The following MBD5 variants were observed in gnomAD, a reference collection of about 807,000 sequenced individuals.
The protein encoded by MBD5 is methyl-CpG binding domain protein 5, also known as methyl-CpG-binding domain protein 5.
A neutral mutation model predicts 117.3 loss-of-function variants in MBD5; 13 were observed. The ratio of observed to expected loss-of-function variants is 0.11; its 90% CI spans 0.07 to 0.18. MBD5 has a LOEUF of 0.18. MBD5 is among the 10% of genes least tolerant of loss of function. The pLI, the probability that MBD5 is intolerant of heterozygous loss-of-function variation, is 1.00. For missense variants in MBD5, 1,879 were observed against 2,093.8 expected (o/e 0.90, Z 2.00); for synonymous variants, 727 against 766.4 (o/e 0.95, Z 0.85).
intron 1 of MBD5, among the ~76,000 whole-genome samples, chr2:148,053,180 T>A (rs2105775169): frequency 6.6e-6 from 1 of 152,286 alleles, no homozygotes; most frequent in African/African-American, 2.4e-5. Flanking sequence ...AGTTTTTGCT[T>A]TATGTATCTT....
At chr2:148,386,644 G>GGGAGGC (rs1422641299) in intron 4 of MBD5, among the ~76,000 whole-genome samples, 23 of 148,950 alleles carry the variant, frequency 1.5e-4, no homozygotes, top group Non-Finnish European at 2.5e-4. Context: ...GCGTGAACCC[G>GGGAGGC]GGAGGCGGAG....
chr2:148,496,509 C>A (rs1015669650), intron 11 of MBD5, among the ~76,000 whole-genome samples: 12 of 152,188 alleles, frequency 7.9e-5, no homozygotes. Context: ...CCAACACAGA[C>A]TACATGAGCT....
At chr2:148,294,754 C>T (rs912717185) in intron 3 of MBD5, among the ~76,000 whole-genome samples, 1 of 152,102 alleles carries the variant, frequency 6.6e-6, no homozygotes, top group Non-Finnish European at 1.5e-5. Flanking sequence ...GATCTGCACA[C>T]CTCTGCCTCC....
chr2:148,114,686 C>T (rs937434606), intron 1 of MBD5, among the ~76,000 whole-genome samples: 11 of 152,206 alleles, frequency 7.2e-5, no homozygotes, highest in Admixed American at 7.2e-4. Context: ...AAGTTACTTA[C>T]TGTGTGCTGT....
At chr2:148,460,183 A>G (rs1403905393) in intron 5 of MBD5, 7 of 152,166 alleles carry the variant, frequency 4.6e-5, no homozygotes, top group Non-Finnish European at 1.0e-4. Context: ...AAATCTGGAT[A>G]ATTTTTTTTT....
At chr2:148,364,919 A>G (rs1703652147) in intron 4 of MBD5, among the ~76,000 whole-genome samples, 1 of 151,970 alleles carries the variant, frequency 6.6e-6, no homozygotes, top group Non-Finnish European at 1.5e-5. Context: ...AAATGTCAAT[A>G]TTAGGTCAAC....
chr2:148,252,957 G>C (rs914054010), intron 3 of MBD5, among the ~76,000 whole-genome samples: 9 of 152,174 alleles, frequency 5.9e-5, no homozygotes, highest in African/African-American at 2.2e-4. Context: ...AATGTGTCTT[G>C]AACTATTGTT....
At chr2:148,341,421 G>A (rs1251586879) in intron 3 of MBD5, among the ~76,000 whole-genome samples, 2 of 151,842 alleles carry the variant, frequency 1.3e-5, no homozygotes, top group African/African-American at 4.8e-5. Flanking sequence ...TTCTAAGACA[G>A]TGTTCTCATC....
At chr2:148,070,673 C>A (rs1002331100) in intron 1 of MBD5, among the ~76,000 whole-genome samples, 2 of 152,084 alleles carry the variant, frequency 1.3e-5, no homozygotes, top group Non-Finnish European at 2.9e-5. Context: ...TACTACCTGG[C>A]ACATTTTAGG....
At chr2:148,501,699 T>TG (rs1257277238) in intron 11 of MBD5, among the ~76,000 whole-genome samples, 1 of 152,122 alleles carries the variant, frequency 6.6e-6, no homozygotes, top group Non-Finnish European at 1.5e-5. Flanking sequence ...CCACACTTGG[T>TG]GGCTGACCTC....
In MBD5 at chr2:148,323,283, C is replaced by G. The variant is rs1309267409; in HGVS notation, c.-679-18931C>G. ...GGGTTGGTTCCAAGTCTTTGCTATT[C>G]TGAATAATGCTGCAATAAACATATG... On this transcript the variant is annotated intron_variant, in intron 3 of 13. Transcript: ENST00000642680. 3.3e-5 allele frequency among the ~76,000 whole-genome samples: 5 copies of G among 152,040 alleles called. No homozygotes were observed. In the East Asian group the frequency reaches 9.6e-4, roughly 29 times the overall value.
intron 1 of MBD5, among the ~76,000 whole-genome samples, chr2:148,166,215 T>A (rs1698122631): frequency 6.6e-6 from 1 of 152,198 alleles, no homozygotes; most frequent in African/African-American, 2.4e-5. Flanking sequence ...TGGCCCCATC[T>A]TTATTTACTC....
intron 1 of MBD5, among the ~76,000 whole-genome samples, chr2:148,043,829 T>C (rs1694443439): frequency 6.6e-6 from 1 of 152,234 alleles, no homozygotes; most frequent in Non-Finnish European, 1.5e-5. Flanking sequence ...AATAAGTAAA[T>C]TTAACTTATT....
chr2:148,416,674 G>A (rs1009668352), intron 4 of MBD5, among the ~76,000 whole-genome samples: 5 of 152,058 alleles, frequency 3.3e-5, no homozygotes, highest in African/African-American at 1.2e-4. Context: ...TTACATGGAT[G>A]AATTGTATGG....
intron 3 of MBD5, among the ~76,000 whole-genome samples, chr2:148,282,765 G>A (rs1701278868): frequency 6.6e-6 from 1 of 151,424 alleles, no homozygotes; most frequent in Non-Finnish European, 1.5e-5. Context: ...GTACTTTAAA[G>A]TGAAATATTA....
intron 1 of MBD5, among the ~76,000 whole-genome samples, chr2:148,139,110 A>G (rs1697243702): frequency 6.6e-6 from 1 of 152,178 alleles, no homozygotes; most frequent in Non-Finnish European, 1.5e-5. Flanking sequence ...TTTATGCCCT[A>G]TTGATTATCT....
At chr2:148,326,267 A>AT (rs1452796400) in intron 3 of MBD5, among the ~76,000 whole-genome samples, 2 of 152,080 alleles carry the variant, frequency 1.3e-5, no homozygotes, top group African/African-American at 4.8e-5. Context: ...TATGTGGTAA[A>AT]TTTTGGAATA....
intron 1 of MBD5, among the ~76,000 whole-genome samples, chr2:148,171,235 C>T (rs1343739840): frequency 2.0e-5 from 3 of 152,164 alleles, no homozygotes; most frequent in Non-Finnish European, 2.9e-5. Context: ...ATATCCTCAA[C>T]AAAATACTAG....
intron 4 of MBD5, among the ~76,000 whole-genome samples, chr2:148,412,157 G>T (rs1283498450): frequency 1.3e-5 from 2 of 151,982 alleles, no homozygotes; most frequent in Non-Finnish European, 2.9e-5. Context: ...AAGATCAAAT[G>T]GTTGTAGGTG....
Sources: gnomAD v4.1 joint callset for allele counts (sites outside exome capture counted in the v4.1 genomes callset) on GRCh38, gnomAD v4.1.1 for gene constraint, MANE v1.5 for transcripts, NCBI Gene and HGNC (gene_info 2026-07-23, HGNC 2026-07-21) for gene names.